Variants in ZCCHC7 observed in about 807,000 individuals in gnomAD.
ZCCHC7 encodes zinc finger CCHC-type containing 7.
In ZCCHC7, 35 loss-of-function variants were observed where a neutral mutation model predicts 52.0. That is an observed-to-expected ratio of 0.67 (90% CI 0.51 to 0.89). ZCCHC7 has a LOEUF of 0.89. Ranked by LOEUF, ZCCHC7 falls within the 40% of genes least tolerant of loss-of-function variation. The pLI is 0.00. For missense variants in ZCCHC7, 574 were observed against 649.1 expected, an observed-to-expected ratio of 0.88 and a Z score of 1.26; for synonymous variants, 217 against 221.5, an observed-to-expected ratio of 0.98 and a Z score of 0.18.
chr9:37,285,514 A>G (rs149375497), intron 2 of ZCCHC7, among the ~76,000 whole-genome samples: 146 of 152,252 alleles, frequency 9.6e-4, no homozygotes, highest in African/African-American at 3.4e-3. Flanking sequence ...AACACACCTT[A>G]GGAGCAGGCT....
Position 37,354,300 on chromosome 9 carries a change from A to G in ZCCHC7, c.1084-410A>G, listed in dbSNP as rs1348191933. Among the ~76,000 whole-genome samples the G allele has an allele frequency of 6.6e-6, 1 of 152,176 alleles. No individual in the cohort carries two copies. The highest frequency in any genetic ancestry group is 2.4e-5 in the African/African-American group (1 of 41,424). On this transcript the variant is annotated intron_variant, in intron 7 of 8. Transcript: ENST00000336755. This position sits in a 1 kb window ranked among gnomAD's most constrained non-coding sequence, Gnocchi z 4.0. ...TAGAACTTATACCCACATTTTGGGG[A>G]TAGGAAGAAGAGATGGAAAAGAACT...
chr9:37,120,318 C>T (rs747285794), upstream of ZCCHC7, among the ~76,000 whole-genome samples: 11 of 152,212 alleles, frequency 7.2e-5, no homozygotes, highest in Non-Finnish European at 1.5e-4. Context: ...ACGAGTCATT[C>T]AAATAATAGA....
intron 2 of ZCCHC7, among the ~76,000 whole-genome samples, chr9:37,193,012 A>T (rs1268038232): frequency 6.6e-6 from 1 of 152,194 alleles, no homozygotes; most frequent in Non-Finnish European, 1.5e-5. Flanking sequence ...AGCTTTCCAT[A>T]GCAGCTGAAT....
At chr9:37,352,709 A>G (rs1419591510) in intron 7 of ZCCHC7, among the ~76,000 whole-genome samples, 5 of 148,026 alleles carry the variant, frequency 3.4e-5, no homozygotes, top group Admixed American at 3.4e-4. Context: ...TATTTTTAGT[A>G]GAGCTGGGGT....
intron 2 of ZCCHC7, among the ~76,000 whole-genome samples, chr9:37,195,349 C>CT (rs1823235927): frequency 6.6e-6 from 1 of 152,142 alleles, no homozygotes; most frequent in Admixed American, 6.5e-5. Flanking sequence ...CAGCAAATAA[C>CT]TGTTATTTAG....
chr9:37,294,001 A>ATTTTG, intron 2 of ZCCHC7, among the ~76,000 whole-genome samples: 1 of 152,198 alleles, frequency 6.6e-6, no homozygotes. Context: ...AATAAGATGA[A>ATTTTG]CATTTTGATG....
intron 2 of ZCCHC7, among the ~76,000 whole-genome samples, chr9:37,160,554 A>G (rs979565584): frequency 1.3e-5 from 2 of 152,224 alleles, no homozygotes; most frequent in East Asian, 3.9e-4. Context: ...GTCCTAAAGC[A>G]TTATGTGGGC....
intron 2 of ZCCHC7, among the ~76,000 whole-genome samples, chr9:37,150,703 T>C (rs1350868264): frequency 6.6e-6 from 1 of 152,244 alleles, no homozygotes; most frequent in Non-Finnish European, 1.5e-5. Context: ...CAAAATGTCC[T>C]CTTAAGTTTT....
At chr9:37,166,762 C>T (rs1427090400) in intron 2 of ZCCHC7, among the ~76,000 whole-genome samples, 1 of 152,032 alleles carries the variant, frequency 6.6e-6, no homozygotes, top group East Asian at 1.9e-4. Flanking sequence ...TCTCTTTGTT[C>T]AAAATACGTT....
At chr9:37,160,749 A>G (rs1032430120) in intron 2 of ZCCHC7, among the ~76,000 whole-genome samples, 2 of 151,726 alleles carry the variant, frequency 1.3e-5, no homozygotes, top group African/African-American at 4.8e-5. Context: ...AGCCGGGTGT[A>G]GTAGCTGGTG....
chr9:37,126,908 C>T lies in ZCCHC7; in HGVS notation c.576C>T (p.Leu192=). The T allele has an allele frequency of 6.2e-7, 1 of 1,613,986 alleles. No homozygotes were observed. The highest frequency in any genetic ancestry group is 1.3e-5 in the African/African-American group (1 of 75,048). The change falls in exon 2 of 9, where the codon CTC becomes CTT. Residue 192 remains leucine (L), a synonymous_variant. Transcript: ENST00000336755. ...ATGATAAAGATGATGATATCCTTCT[C>T]AACCTTGTGGGATGTGAAAACTCTG... The part of the protein sequence containing the change: ...EVDDKDDDIL[L]NLVGCENSVT...
At chr9:37,183,911 G>C (rs756128250) in intron 2 of ZCCHC7, among the ~76,000 whole-genome samples, 2 of 152,192 alleles carry the variant, frequency 1.3e-5, no homozygotes, top group Non-Finnish European at 2.9e-5. Flanking sequence ...CCTTGATCTA[G>C]TCCCCTCTTG....
At chr9:37,203,660 G>A (rs556300789) in intron 2 of ZCCHC7, among the ~76,000 whole-genome samples, 1 of 152,258 alleles carries the variant, frequency 6.6e-6, no homozygotes, top group Admixed American at 6.5e-5. Flanking sequence ...TGGCTGCATA[G>A]TATTCCATGG....
chr9:37,298,400 A>G (rs1283690437), intron 2 of ZCCHC7, among the ~76,000 whole-genome samples: 1 of 152,226 alleles, frequency 6.6e-6, no homozygotes, highest in Non-Finnish European at 1.5e-5. Context: ...CACCAGATGA[A>G]TAGCTAAACA....
rs552259492 is a variant in ZCCHC7 at position 37,288,033 on chromosome 9, G to A, written c.611-14155G>A. 1.4e-4 allele frequency among the ~76,000 whole-genome samples: 21 copies of A among 152,160 alleles called. No homozygotes were observed. In the East Asian group the frequency reaches 2.5e-3, roughly 18 times the overall value. On this transcript the variant is annotated intron_variant, in intron 2 of 8. Transcript: ENST00000336755. ...GTGGCTCATGCCTGTAATCCAAGCA[G>A]TTTGGAAGGCTGAGGTAGGTGGATG... is the stretch of plus-strand genomic sequence containing the variant.
At chr9:37,154,663 GT>G (rs1230768438) in intron 2 of ZCCHC7, among the ~76,000 whole-genome samples, 1 of 129,852 alleles carries the variant, frequency 7.7e-6, no homozygotes. Context: ...TCTGTTTTTT[GT>G]TTTTTTTTTA....
At chr9:37,146,531 GT>G (rs1236209196) in intron 2 of ZCCHC7, among the ~76,000 whole-genome samples, 2 of 151,704 alleles carry the variant, frequency 1.3e-5, no homozygotes, top group Non-Finnish European at 3.0e-5. Context: ...TCCCACCCTC[GT>G]TTTAAAAACT....
At chr9:37,207,724 A>G (rs530694608) in intron 2 of ZCCHC7, among the ~76,000 whole-genome samples, 2 of 152,076 alleles carry the variant, frequency 1.3e-5, no homozygotes, top group Admixed American at 1.3e-4. Context: ...TCCTTCTGTC[A>G]TATCCAATCT....
rs1829277277 is a variant in ZCCHC7, at chr9:37,305,841, ATAT to A, written c.951+128_951+130del. ...AATGTTTACTCCGTGAGATATATAT[ATAT>A]ATATATAGTCATGTCCATTTTGTCA... On this transcript the variant is annotated intron_variant, in intron 5 of 8. Transcript: ENST00000336755. The A allele has an allele frequency of 5.7e-5, 49 of 855,700 alleles. No individual in the cohort carries two copies. The South Asian group carries it at 8.4e-4, about 15-fold the overall frequency. 53.0% of individuals were successfully genotyped at this position (855,700 alleles called of 1,614,324 possible). A position where few individuals can be genotyped will look rare whatever the true frequency, so the allele number is the denominator to read the frequency against.
Sources: gnomAD v4.1 joint callset for allele counts (sites outside exome capture counted in the v4.1 genomes callset) on GRCh38, gnomAD v4.1.1 for gene constraint, Gnocchi (gnomAD v3.1) non-coding constraint, MANE v1.5 for transcripts, NCBI Gene and HGNC (gene_info 2026-07-23, HGNC 2026-07-21) for gene names.